SLCO3A1: variants seen among roughly 807,000 people sequenced by gnomAD.
The protein encoded by SLCO3A1 is PGE1 transporter.
In SLCO3A1, 27 loss-of-function variants were observed where a neutral mutation model predicts 63.1. That is an observed-to-expected ratio of 0.43 (90% CI 0.32 to 0.59). The LOEUF is 0.59. Among genes scored for constraint, SLCO3A1 ranks in the 20% least tolerant of loss-of-function variants. SLCO3A1 has a pLI of 0.09. For synonymous variants in SLCO3A1, 473 were observed against 409.9 expected (o/e 1.15, Z -1.86); for missense variants, 773 against 945.8 (o/e 0.82, Z 2.40).
chr15:91,861,609 A>G (rs1003463913), intron 1 of SLCO3A1, among the ~76,000 whole-genome samples: 1 of 152,148 alleles, frequency 6.6e-6, no homozygotes, highest in African/African-American at 2.4e-5. Context: ...GCAAAAAGTA[A>G]CATAGGCTGC....
chr15:92,121,330 C>A (rs2151561757), intron 5 of SLCO3A1, among the ~76,000 whole-genome samples: 1 of 152,286 alleles, frequency 6.6e-6, no homozygotes, highest in Admixed American at 6.5e-5. Context: ...AGTTAATCAG[C>A]TGAGATGTTG....
chr15:91,896,324 C>A (rs1275797813), intron 1 of SLCO3A1, among the ~76,000 whole-genome samples: 2 of 152,166 alleles, frequency 1.3e-5, no homozygotes, highest in African/African-American at 4.8e-5. Context: ...AAAAACTTTT[C>A]TTTATCTGCC....
chr15:91,959,789 T>A (rs1416535705), intron 2 of SLCO3A1, among the ~76,000 whole-genome samples: 1 of 151,528 alleles, frequency 6.6e-6, no homozygotes, highest in Non-Finnish European at 1.5e-5. Context: ...AGTGTATTCA[T>A]AGAGTTGTGC....
chr15:92,030,435 A>G (rs1031033296), intron 2 of SLCO3A1, among the ~76,000 whole-genome samples: 5 of 152,186 alleles, frequency 3.3e-5, no homozygotes, highest in Admixed American at 1.3e-4. Context: ...CTGTATGATT[A>G]TATTTCGTGC....
chr15:92,019,730 G>T (rs1324799603), intron 2 of SLCO3A1, among the ~76,000 whole-genome samples: 2 of 152,204 alleles, frequency 1.3e-5, no homozygotes, highest in South Asian at 4.1e-4. Flanking sequence ...GGAGGCCTTT[G>T]TCCCTTTTCC....
intron 2 of SLCO3A1, among the ~76,000 whole-genome samples, chr15:91,930,081 C>G (rs1023690430): frequency 1.3e-5 from 2 of 152,112 alleles, no homozygotes; most frequent in African/African-American, 2.4e-5. Flanking sequence ...CTCAGTAAAT[C>G]CATAATTCAT....
chr15:91,950,039 G>A lies in SLCO3A1; in HGVS notation c.646+33581G>A, dbSNP rs1899945888. Among the ~76,000 whole-genome samples the A allele has an allele frequency of 6.6e-6, 1 of 152,196 alleles. No individual in the cohort carries two copies. The highest frequency in any genetic ancestry group is 2.4e-5 in the African/African-American group (1 of 41,454). On this transcript the variant is annotated intron_variant, in intron 2 of 9. Transcript: ENST00000318445. The surrounding 1 kb of genome is among the most constrained non-coding windows in gnomAD (Gnocchi z 4.4). ...CAACAACGAAAAGAAGGCAGACTGT[G>A]ATGGATTCTATACGGAAGAGATAAA...
intron 2 of SLCO3A1, among the ~76,000 whole-genome samples, chr15:92,094,247 TACAAGCAGCCACAACAACA>T (rs1316747897): frequency 6.6e-6 from 1 of 152,176 alleles, no homozygotes; most frequent in Non-Finnish European, 1.5e-5. Context: ...GAACAGCTGT[TACAAGCAGCCACAACAACA>T]GTGGAAACAG....
At chr15:91,969,698 C>A (rs990980914) in intron 2 of SLCO3A1, among the ~76,000 whole-genome samples, 2 of 152,192 alleles carry the variant, frequency 1.3e-5, no homozygotes, top group African/African-American at 4.8e-5. Flanking sequence ...CTATAGAATT[C>A]CTTTTCTGGT....
chr15:92,111,701 C>G (rs1009644946), intron 4 of SLCO3A1, among the ~76,000 whole-genome samples: 2 of 152,200 alleles, frequency 1.3e-5, no homozygotes, highest in Non-Finnish European at 2.9e-5. Context: ...TTCAGCAAAG[C>G]TCCTGAGACA....
chr15:91,871,765 G>GTTTTTTTTTTTTTTTTTTTTGT (rs1897286643), intron 1 of SLCO3A1, among the ~76,000 whole-genome samples: 1 of 45,688 alleles, frequency 2.2e-5, no homozygotes, highest in Admixed American at 3.2e-4. Flanking sequence ...TTTTTTTTTG[G>GTTTTTTTTTTTTTTTTTTTTGT]TTTTTTTTTT....
At chr15:92,074,777 GC>G (rs1277088393) in intron 2 of SLCO3A1, among the ~76,000 whole-genome samples, 1 of 83,990 alleles carries the variant, frequency 1.2e-5, no homozygotes, top group African/African-American at 3.8e-5. Context: ...GACAAGCAGG[GC>G]GGTGGGGGGT....
intron 2 of SLCO3A1, among the ~76,000 whole-genome samples, chr15:91,975,591 G>T (rs1901072667): frequency 6.6e-6 from 1 of 152,234 alleles, no homozygotes; most frequent in Non-Finnish European, 1.5e-5. Context: ...TGTGGCAGCA[G>T]GTTCTAGGGC....
At chr15:91,918,307 G>A (rs1311901936) in intron 2 of SLCO3A1, among the ~76,000 whole-genome samples, 1 of 152,208 alleles carries the variant, frequency 6.6e-6, no homozygotes, top group Non-Finnish European at 1.5e-5. Context: ...GTCTTTGGTA[G>A]GAAGAACTAT....
chr15:91,952,610 G>A (rs11854963), intron 2 of SLCO3A1, among the ~76,000 whole-genome samples: 3,660 of 152,294 alleles, frequency 0.024, 156 homozygotes, highest in African/African-American at 0.084. Context: ...CCTTGTATCT[G>A]GCTATGATGT....
intron 2 of SLCO3A1, among the ~76,000 whole-genome samples, chr15:91,960,130 C>T (rs547481084): frequency 5.9e-5 from 9 of 152,220 alleles, no homozygotes; most frequent in South Asian, 4.1e-4. Flanking sequence ...ACTATAGGCG[C>T]GTGCCACCAT....
chr15:91,898,827 G>A (rs1389490334), intron 1 of SLCO3A1, among the ~76,000 whole-genome samples: 1 of 152,042 alleles, frequency 6.6e-6, no homozygotes. Flanking sequence ...ATTTCATGGG[G>A]GGACAATTAG....
chr15:91,972,187 C>T (rs1351698128), intron 2 of SLCO3A1, among the ~76,000 whole-genome samples: 2 of 152,026 alleles, frequency 1.3e-5, no homozygotes, highest in Admixed American at 6.6e-5. Context: ...TATTTGAAGT[C>T]GTATGGAGAA....
chr15:91,857,063 TGTGTGTGA>T (rs1477925736), intron 1 of SLCO3A1, among the ~76,000 whole-genome samples: 43 of 139,104 alleles, frequency 3.1e-4, no homozygotes, highest in Non-Finnish European at 5.3e-4. Flanking sequence ...TGTGTGTGTG[TGTGTGTGA>T]GAGAGAGAGA....
Sources: allele counts gnomAD v4.1 joint callset (sites outside exome capture counted in the v4.1 genomes callset), GRCh38; gene constraint gnomAD v4.1.1; non-coding constraint Gnocchi (gnomAD v3.1); transcripts MANE v1.5; gene names NCBI Gene and HGNC (gene_info 2026-07-23, HGNC 2026-07-21).